Variants in MGAT4A observed in about 807,000 individuals in gnomAD.
MGAT4A encodes alpha-1,3-mannosyl-glycoprotein 4-beta-N-acetylglucosaminyltransferase A, also known as N-acetylglucosaminyltransferase IVa.
MGAT4A carries 33 observed loss-of-function variants against 74.1 expected under a neutral mutation model. That is an observed-to-expected ratio of 0.45 (90% CI 0.34 to 0.60). The LOEUF is 0.60. Among genes scored for constraint, MGAT4A ranks in the 20% least tolerant of loss-of-function variants. The pLI, the probability that MGAT4A is intolerant of heterozygous loss-of-function variation, is 0.02. For missense variants in MGAT4A, 479 were observed against 628.3 expected (o/e 0.76, Z 2.54); for synonymous variants, 198 against 210.4 (o/e 0.94, Z 0.51).
chr2:98,625,467 A>G lies in MGAT4A; in HGVS notation c.*99T>C. On this transcript the variant is annotated 3_prime_UTR_variant, in exon 16 of 16. Coordinates refer to ENST00000393487, the MANE Select transcript of MGAT4A (RefSeq NM_012214.3). The stretch of plus-strand genomic sequence containing the variant: ...AATCGTCTTATCTACAGTAGACTTC[A>G]CAAGAGGTAGTGTTCAAGTAGAAAT... The G allele has an allele frequency of 1.3e-6, 2 of 1,556,182 alleles. No homozygotes were observed. The highest frequency in any genetic ancestry group is 1.7e-6 in the Non-Finnish European group (2 of 1,157,842).
chr2:98,622,765 G>C lies in MGAT4A; in HGVS notation c.*2801C>G. ...CTCAGGAACCTGAAATCTGGTCAGA[G>C]AGACAGCACACACCATACACACAAA... is the stretch of plus-strand genomic sequence containing the variant. On this transcript the variant is annotated 3_prime_UTR_variant, in exon 16 of 16. Transcript: ENST00000393487. The C allele has an allele frequency of 3.0e-6, 3 of 985,726 alleles. No individual in the cohort carries two copies. The highest frequency in any genetic ancestry group is 3.6e-6 in the Non-Finnish European group (3 of 830,164). 61.1% of individuals were successfully genotyped at this position (985,726 alleles called of 1,614,324 possible). A position where few individuals can be genotyped will look rare whatever the true frequency, so the allele number is the denominator to read the frequency against.
intron 8 of MGAT4A, among the ~76,000 whole-genome samples, chr2:98,654,578 T>C (rs1034132331): frequency 1.3e-5 from 2 of 151,566 alleles, no homozygotes; most frequent in Admixed American, 6.6e-5. Flanking sequence ...AAAGATAAAA[T>C]ACTTAGGAAT....
intron 14 of MGAT4A, among the ~76,000 whole-genome samples, chr2:98,628,958 C>G (rs1399569421): frequency 6.6e-6 from 1 of 152,194 alleles, no homozygotes; most frequent in African/African-American, 2.4e-5. Flanking sequence ...GCACACACTA[C>G]ATTAGAAAAT....
chr2:98,666,137 GT>G (rs1308569283), intron 4 of MGAT4A, among the ~76,000 whole-genome samples: 1 of 152,204 alleles, frequency 6.6e-6, no homozygotes, highest in African/African-American at 2.4e-5. Flanking sequence ...AAAGATGGTG[GT>G]TTGAATGAGG....
chr2:98,646,069 A>G (rs2104243997), intron 8 of MGAT4A, among the ~76,000 whole-genome samples: 1 of 152,328 alleles, frequency 6.6e-6, no homozygotes, highest in South Asian at 2.1e-4. Flanking sequence ...TTGAAAACCA[A>G]GGCTTTCAAT....
chr2:98,727,690 A>T (rs1640004810), intron 1 of MGAT4A, among the ~76,000 whole-genome samples: 2 of 152,204 alleles, frequency 1.3e-5, no homozygotes, highest in South Asian at 4.1e-4. Flanking sequence ...AGCACAACCG[A>T]TTCAAGCAGC....
intron 2 of MGAT4A, among the ~76,000 whole-genome samples, chr2:98,682,434 A>AAC (rs1702073623): frequency 6.6e-6 from 1 of 150,794 alleles, no homozygotes; most frequent in Non-Finnish European, 1.5e-5. Flanking sequence ...AAAAAAAAAA[A>AAC]AAAAAAAAAA....
intron 14 of MGAT4A, among the ~76,000 whole-genome samples, chr2:98,634,767 G>T (rs1047020208): frequency 6.7e-6 from 1 of 149,482 alleles, no homozygotes; most frequent in Admixed American, 6.8e-5. Flanking sequence ...AAAAACTGGC[G>T]ATCAATAAAG....
At chr2:98,641,644 C>G (rs1157562406) in intron 10 of MGAT4A, among the ~76,000 whole-genome samples, 1 of 151,152 alleles carries the variant, frequency 6.6e-6, no homozygotes, top group Non-Finnish European at 1.5e-5. Context: ...CCACTGCACT[C>G]CAGCCTAGGC....
intron 2 of MGAT4A, among the ~76,000 whole-genome samples, chr2:98,722,351 G>A (rs189838778): frequency 1.5e-4 from 23 of 152,336 alleles, no homozygotes; most frequent in East Asian, 3.9e-4. Context: ...TTCTGTGTAC[G>A]TGAAGCAACC....
rs555758978 is a variant in MGAT4A at position 98,637,916 on chromosome 2, T to C, written c.1323-1321A>G. Among the ~76,000 whole-genome samples, 20 of 152,274 alleles carry C rather than the reference T, an allele frequency of 1.3e-4. 1 individual carries two copies. The East Asian group carries it at 2.5e-3, about 19-fold the overall frequency. ...AGTTACAGCGGTGGGCCAGTAGATA[T>C]GGCTGTAAAAGGTTACGTGGGAATT... On this transcript the variant is annotated intron_variant, in intron 12 of 15. Transcript: ENST00000393487.
intron 8 of MGAT4A, among the ~76,000 whole-genome samples, chr2:98,646,763 A>AT (rs1701491450): frequency 6.6e-6 from 1 of 152,238 alleles, no homozygotes; most frequent in Admixed American, 6.5e-5. Flanking sequence ...AATCAAATGT[A>AT]TTTTAAATAT....
chr2:98,636,911 ATATT>A (rs1701329787), intron 12 of MGAT4A, among the ~76,000 whole-genome samples: 1 of 152,198 alleles, frequency 6.6e-6, no homozygotes, highest in African/African-American at 2.4e-5. Context: ...AATGCTTTAA[ATATT>A]TAACCCTCTT....
chr2:98,676,110 C>T (rs1200281663), intron 3 of MGAT4A, among the ~76,000 whole-genome samples: 1 of 151,960 alleles, frequency 6.6e-6, no homozygotes, highest in Non-Finnish European at 1.5e-5. Context: ...TTTAAAATTT[C>T]ATTAAATTTG....
chr2:98,685,126 T>TA (rs1702110942), intron 2 of MGAT4A, among the ~76,000 whole-genome samples: 1 of 151,802 alleles, frequency 6.6e-6, no homozygotes, highest in South Asian at 2.1e-4. Flanking sequence ...TAGCCCCAGC[T>TA]ACTCAGGAGG....
chr2:98,642,637 T>C (rs1430414982), intron 10 of MGAT4A, among the ~76,000 whole-genome samples: 1 of 152,230 alleles, frequency 6.6e-6, no homozygotes, highest in Non-Finnish European at 1.5e-5. Flanking sequence ...GCAAGTGTAT[T>C]GTAGGAGGTT....
intron 2 of MGAT4A, among the ~76,000 whole-genome samples, chr2:98,706,749 T>C (rs1256811625): frequency 2.0e-5 from 3 of 152,062 alleles, no homozygotes; most frequent in East Asian, 1.9e-4. Flanking sequence ...AAAGTGAATA[T>C]TCACATCCAT....
chr2:98,692,318 G>A (rs540117977), intron 2 of MGAT4A, among the ~76,000 whole-genome samples: 1 of 152,096 alleles, frequency 6.6e-6, no homozygotes, highest in East Asian at 1.9e-4. Context: ...TGCCCAGGCT[G>A]GTCTTGAACT....
At chr2:98,644,379 A>G (rs1243514349) in intron 9 of MGAT4A, among the ~76,000 whole-genome samples, 1 of 152,186 alleles carries the variant, frequency 6.6e-6, no homozygotes, top group Non-Finnish European at 1.5e-5. Context: ...CCCATTTAAC[A>G]TTGAGAGGTT....
Sources: allele counts gnomAD v4.1 joint callset (sites outside exome capture counted in the v4.1 genomes callset), GRCh38; gene constraint gnomAD v4.1.1; transcripts MANE v1.5; gene names NCBI Gene and HGNC (gene_info 2026-07-23, HGNC 2026-07-21).